The following ARB2A variants were observed in gnomAD, a reference collection of about 807,000 sequenced individuals.
ARB2A encodes the protein ARB2 cotranscriptional regulator A, also known as cotranscriptional regulator ARB2A.
At chr5:94,023,280 A>G in the ARB2A span, among the ~76,000 whole-genome samples, 2 of 152,160 alleles carry the variant, frequency 1.3e-5, no homozygotes, top group Admixed American at 1.3e-4. Context: ...CACTTGGCAG[A>G]CCCATATCAC....
the ARB2A span, among the ~76,000 whole-genome samples, chr5:93,916,290 A>AT: frequency 1.3e-5 from 2 of 152,150 alleles, no homozygotes; most frequent in East Asian, 3.9e-4. Flanking sequence ...TAACTAAGTG[A>AT]GAAACAGAAA....
the ARB2A span, among the ~76,000 whole-genome samples, chr5:94,041,227 G>C: frequency 2.6e-5 from 4 of 151,648 alleles, no homozygotes; most frequent in African/African-American, 9.7e-5. Context: ...AATCTAGTGT[G>C]CTTTGTGTGT....
the ARB2A span, among the ~76,000 whole-genome samples, chr5:93,778,023 GA>G: frequency 6.4e-4 from 97 of 151,612 alleles, 1 homozygote; most frequent in African/African-American, 1.9e-3. Context: ...AACTGTGTAG[GA>G]AAAAAAACAT....
chr5:93,632,567 CAG>C, the ARB2A span, among the ~76,000 whole-genome samples: 7 of 152,094 alleles, frequency 4.6e-5, no homozygotes, highest in Non-Finnish European at 7.4e-5. Flanking sequence ...GGGTTTTAAT[CAG>C]GGGAGAAATA....
chr5:94,064,976 T>C, the ARB2A span, among the ~76,000 whole-genome samples: 2 of 151,574 alleles, frequency 1.3e-5, no homozygotes, highest in Non-Finnish European at 2.9e-5. Context: ...ACAACCAAAC[T>C]ACAACAATAA....
the ARB2A span, among the ~76,000 whole-genome samples, chr5:93,917,027 A>G: frequency 6.6e-6 from 1 of 152,198 alleles, no homozygotes. Context: ...TTACAAACAT[A>G]TTCTTTCCCT....
chr5:94,014,685 A>C, the ARB2A span, among the ~76,000 whole-genome samples: 1 of 152,098 alleles, frequency 6.6e-6, no homozygotes, highest in African/African-American at 2.4e-5. Context: ...ACAGAAATTT[A>C]ATGAGACTGA....
the ARB2A span, among the ~76,000 whole-genome samples, chr5:94,063,226 G>C: frequency 6.6e-6 from 1 of 151,946 alleles, no homozygotes. Flanking sequence ...AAGCCATCCA[G>C]GGGCCTGGGG....
chr5:93,623,923 T>A, the ARB2A span, among the ~76,000 whole-genome samples: 2 of 152,186 alleles, frequency 1.3e-5, no homozygotes, highest in Non-Finnish European at 2.9e-5. Flanking sequence ...TAATTACATG[T>A]CTAACTTGGA....
chr5:93,848,908 T>C, the ARB2A span, among the ~76,000 whole-genome samples: 6 of 152,250 alleles, frequency 3.9e-5, no homozygotes, highest in Non-Finnish European at 8.8e-5. Flanking sequence ...TAGCTCCTTG[T>C]TAAAAATGGC....
chr5:93,854,345 C>G, the ARB2A span, among the ~76,000 whole-genome samples: 57 of 152,226 alleles, frequency 3.7e-4, no homozygotes, highest in Middle Eastern at 3.4e-3. Context: ...AGTCTTCTCT[C>G]TTTTCTTCTT....
chr5:93,785,187 G>C, the ARB2A span, among the ~76,000 whole-genome samples: 1 of 152,090 alleles, frequency 6.6e-6, no homozygotes, highest in African/African-American at 2.4e-5. Flanking sequence ...GAATTCATCA[G>C]TGGTCTGCCA....
the ARB2A span, among the ~76,000 whole-genome samples, chr5:93,851,278 C>T: frequency 2.6e-5 from 4 of 152,014 alleles, no homozygotes; most frequent in Admixed American, 1.3e-4. Context: ...GAAATCATGG[C>T]CTCCTGCCTA....
chr5:93,704,553 G>A, the ARB2A span, among the ~76,000 whole-genome samples: 7 of 152,202 alleles, frequency 4.6e-5, no homozygotes, highest in Non-Finnish European at 8.8e-5. Flanking sequence ...GACAGAGCGA[G>A]ACCCTGTCTC....
At chr5:93,714,941 C>T in the ARB2A span, among the ~76,000 whole-genome samples, 2,211 of 152,242 alleles carry the variant, frequency 0.015, 21 homozygotes, top group Non-Finnish European at 0.023. Flanking sequence ...ATATTAATTT[C>T]CCATATGGCA....
the ARB2A span, among the ~76,000 whole-genome samples, chr5:93,761,521 C>A: frequency 6.6e-6 from 1 of 152,186 alleles, no homozygotes; most frequent in African/African-American, 2.4e-5. Flanking sequence ...GGGCGCCCAC[C>A]ATTGCCCAGG....
At chr5:93,724,227 A>T in the ARB2A span, among the ~76,000 whole-genome samples, 3 of 151,998 alleles carry the variant, frequency 2.0e-5, no homozygotes, top group Non-Finnish European at 4.4e-5. Flanking sequence ...CTGATGATGC[A>T]AAATAGACAC....
At chr5:93,970,577 C>A in the ARB2A span, among the ~76,000 whole-genome samples, 2 of 152,086 alleles carry the variant, frequency 1.3e-5, no homozygotes, top group Non-Finnish European at 2.9e-5. Flanking sequence ...ATGTGGGACA[C>A]TGGGGTTTGA....
At chr5:94,107,243 A>G in the ARB2A span, among the ~76,000 whole-genome samples, 1 of 152,164 alleles carries the variant, frequency 6.6e-6, no homozygotes, top group Non-Finnish European at 1.5e-5. Context: ...CATTTCCTCC[A>G]AATGGAGACA....
Sources: gnomAD v4.1 joint callset for allele counts (sites outside exome capture counted in the v4.1 genomes callset) on GRCh38, gnomAD v4.1.1 for gene constraint, MANE v1.5 for transcripts, NCBI Gene and HGNC (gene_info 2026-07-23, HGNC 2026-07-21) for gene names.